The following NFIA variants were observed in gnomAD, a reference collection of about 807,000 sequenced individuals.
NFIA encodes the protein nuclear factor 1 A-type.
In NFIA, 8 loss-of-function variants were observed where a neutral mutation model predicts 62.8. The ratio of observed to expected loss-of-function variants is 0.13; its 90% confidence interval spans 0.07 to 0.23. The LOEUF is 0.23. Among genes scored for constraint, NFIA ranks in the 10% least tolerant of loss-of-function variants. The pLI, the probability that NFIA is intolerant of heterozygous loss-of-function variation, is 1.00. For synonymous variants in NFIA, 235 were observed against 238.1 expected (o/e 0.99, Z 0.12); for missense variants, 410 against 642.1 (o/e 0.64, Z 3.91).
chr1:61,220,244 G>C (rs1653935201), intron 2 of NFIA, among the ~76,000 whole-genome samples: 1 of 152,162 alleles, frequency 6.6e-6, no homozygotes, highest in African/African-American at 2.4e-5. Context: ...AACTCTGCAT[G>C]TGTGTGTACA....
chr1:61,284,294 A>C (rs1432731261), intron 3 of NFIA, among the ~76,000 whole-genome samples: 1 of 152,226 alleles, frequency 6.6e-6, no homozygotes, highest in East Asian at 1.9e-4. Context: ...CTCTTCTTTA[A>C]GAGATTAGGG....
chr1:61,234,627 C>G (rs1654883246), intron 2 of NFIA, among the ~76,000 whole-genome samples: 1 of 152,106 alleles, frequency 6.6e-6, no homozygotes. Context: ...TAATGGTTAG[C>G]TCTAGTCCCA....
chr1:61,203,950 G>A (rs762760206), intron 2 of NFIA, among the ~76,000 whole-genome samples: 13 of 152,140 alleles, frequency 8.5e-5, no homozygotes, highest in Non-Finnish European at 1.5e-4. Context: ...ATATTTCAGG[G>A]CAGATATTTA....
At chr1:61,423,556 T>A (rs1455811351) in intron 9 of NFIA, among the ~76,000 whole-genome samples, 2 of 152,216 alleles carry the variant, frequency 1.3e-5, no homozygotes, top group African/African-American at 4.8e-5. Flanking sequence ...ATGAATATGA[T>A]ATAATATCAT....
chr1:61,422,707 G>A (rs192747890), intron 9 of NFIA, among the ~76,000 whole-genome samples: 88 of 146,766 alleles, frequency 6.0e-4, no homozygotes, highest in African/African-American at 1.8e-3. Flanking sequence ...AAGAGTTTGA[G>A]ACCAGCCTGA....
At chr1:61,215,731 C>G (rs931213399) in intron 2 of NFIA, among the ~76,000 whole-genome samples, 1 of 152,160 alleles carries the variant, frequency 6.6e-6, no homozygotes, top group African/African-American at 2.4e-5. Flanking sequence ...CTGTGGAAAT[C>G]AGCTAACTAC....
chr1:61,422,596 C>T (rs548308671), intron 9 of NFIA, among the ~76,000 whole-genome samples: 9 of 152,136 alleles, frequency 5.9e-5, no homozygotes, highest in African/African-American at 2.2e-4. Flanking sequence ...TTTCTGAGGA[C>T]GTAGAGGCCG....
intron 10 of NFIA, among the ~76,000 whole-genome samples, chr1:61,454,742 A>G (rs1158098401): frequency 6.6e-6 from 1 of 152,122 alleles, no homozygotes; most frequent in Non-Finnish European, 1.5e-5. Context: ...CCTTACCTCC[A>G]CTTATTCTTG....
chr1:61,118,527 A>G (rs186717668), intron 2 of NFIA, among the ~76,000 whole-genome samples: 82 of 152,196 alleles, frequency 5.4e-4, no homozygotes, highest in Admixed American at 3.9e-3. Flanking sequence ...ATAGATCTCT[A>G]AAGGAAACAG....
chr1:61,118,693 T>C (rs1461135874), intron 2 of NFIA, among the ~76,000 whole-genome samples: 8 of 147,984 alleles, frequency 5.4e-5, no homozygotes, highest in Non-Finnish European at 9.0e-5. Flanking sequence ...TGTGTGTGTG[T>C]GTGTGTGTGT....
At chr1:61,080,935 G>T (rs1646087186), upstream of NFIA, among the ~76,000 whole-genome samples, 1 of 152,146 alleles carries the variant, frequency 6.6e-6, no homozygotes, top group South Asian at 2.1e-4. Context: ...TTGAAAAGAA[G>T]TCTGAATGAG....
intron 3 of NFIA, among the ~76,000 whole-genome samples, chr1:61,308,252 G>A (rs1659907560): frequency 6.6e-6 from 1 of 152,180 alleles, no homozygotes. Context: ...GTAGAAAGCA[G>A]GTGATGATGA....
In NFIA at chr1:61,088,319, G is replaced by A. The variant is rs1557555713; in HGVS notation, c.198G>A (p.Glu66=). The A allele has an allele frequency of 1.2e-6, 2 of 1,613,302 alleles. No homozygotes were observed. The highest frequency in any genetic ancestry group is 1.7e-6 in the Non-Finnish European group (2 of 1,179,886). Residue 66 remains glutamate (E), a synonymous_variant, in exon 2 of 11, where the codon GAG becomes GAA. Coordinates refer to ENST00000403491, the MANE Select transcript of NFIA (RefSeq NM_001134673.4). The surrounding 1 kb of genome is among the most constrained non-coding windows in gnomAD (Gnocchi z 4.5). ...ATGAATTGCTAAGTGAAAAACCAGA[G>A]GTCAAGCAGAAGTGGGCATCTCGAC... ...VKDELLSEKP[E]VKQKWASRLL...
chr1:61,226,352 CAA>C (rs958416320), intron 2 of NFIA, among the ~76,000 whole-genome samples: 1 of 152,212 alleles, frequency 6.6e-6, no homozygotes, highest in African/African-American at 2.4e-5. Context: ...ATCTGTCAAT[CAA>C]GATTTCATAA....
At chr1:61,098,801 G>T (rs2100432066) in intron 2 of NFIA, among the ~76,000 whole-genome samples, 1 of 152,066 alleles carries the variant, frequency 6.6e-6, no homozygotes, top group East Asian at 1.9e-4. Context: ...GTTTAAAAAA[G>T]GTTTTAAAAT....
Position 61,161,586 on chromosome 1 carries a change from A to AACAC in NFIA, c.559+72937_559+72940dup, listed in dbSNP as rs56383204. On this transcript the variant is annotated intron_variant, in intron 2 of 10. Coordinates refer to ENST00000403491, the MANE Select transcript of NFIA (RefSeq NM_001134673.4). ...TTCTCTCTAGACATGCGCCATGTGC[A>AACAC]ACACACACACACACACACACACACA... Among the ~76,000 whole-genome samples the AACAC allele has an allele frequency of 1.6e-3, 232 of 149,464 alleles. No individual in the cohort carries two copies. The East Asian group carries it at 0.016, about 10-fold the overall frequency.
At chr1:61,184,723 C>G (rs1474310879) in intron 2 of NFIA, among the ~76,000 whole-genome samples, 1 of 152,212 alleles carries the variant, frequency 6.6e-6, no homozygotes, top group Non-Finnish European at 1.5e-5. Context: ...AGAGCAGGAA[C>G]TCAGAGGAAC....
intron 10 of NFIA, among the ~76,000 whole-genome samples, chr1:61,453,560 C>G (rs1275923912): frequency 6.6e-6 from 1 of 151,652 alleles, no homozygotes; most frequent in Non-Finnish European, 1.5e-5. Context: ...AACTGCTCCC[C>G]CTGCTGACTC....
At chr1:61,355,879 T>C (rs1196904509) in intron 5 of NFIA, among the ~76,000 whole-genome samples, 3 of 152,238 alleles carry the variant, frequency 2.0e-5, no homozygotes, top group Non-Finnish European at 2.9e-5. Flanking sequence ...TGAGCCACCA[T>C]GCCCAGCCCT....
Sources: gnomAD v4.1 joint callset for allele counts (sites outside exome capture counted in the v4.1 genomes callset) on GRCh38, gnomAD v4.1.1 for gene constraint, Gnocchi (gnomAD v3.1) non-coding constraint, MANE v1.5 for transcripts, NCBI Gene and HGNC (gene_info 2026-07-23, HGNC 2026-07-21) for gene names.